PGBD2: variants seen among roughly 807,000 people sequenced by gnomAD.
PGBD2 encodes the protein piggyBac transposable element derived 2.
PGBD2 carries 6 observed loss-of-function variants against 8.1 expected under a neutral mutation model. The ratio of observed to expected loss-of-function variants is 0.74; its 90% CI spans 0.40 to 1.46. PGBD2 has a LOEUF of 1.46. Among genes scored for constraint, PGBD2 ranks in the 40% most tolerant of loss-of-function variants. The pLI is 0.02. For synonymous variants in PGBD2, 318 were observed against 272.2 expected (o/e 1.17, Z -1.66); for missense variants, 802 against 739.0 (o/e 1.09, Z -0.99).
intron 2 of PGBD2, among the ~76,000 whole-genome samples, chr1:248,916,307 G>A (rs1033211883): frequency 2.0e-5 from 3 of 152,080 alleles, no homozygotes; most frequent in Non-Finnish European, 2.9e-5. Flanking sequence ...CCAGGTACTC[G>A]GGAGGCTGAG....
the PGBD2 span, among the ~76,000 whole-genome samples, chr1:248,900,988 G>T: frequency 9.2e-5 from 14 of 151,940 alleles, no homozygotes; most frequent in African/African-American, 3.4e-4. Context: ...ACTCCCATTC[G>T]CAATGCCCAC....
the PGBD2 span, among the ~76,000 whole-genome samples, chr1:248,874,927 T>TAGATAGATAGATAGACAGAC: frequency 6.7e-6 from 1 of 149,290 alleles, no homozygotes; most frequent in African/African-American, 2.6e-5. Flanking sequence ...GATAGATAGA[T>TAGATAGATAGATAGACAGAC]AGATAGATAG....
At chr1:248,882,175 C>T in the PGBD2 span, among the ~76,000 whole-genome samples, 36 of 152,212 alleles carry the variant, frequency 2.4e-4, no homozygotes, top group East Asian at 3.9e-3. Flanking sequence ...GGGGGGTCAC[C>T]GCCTTCTGGT....
intron 1 of PGBD2, among the ~76,000 whole-genome samples, chr1:248,907,568 C>A (rs577654693): frequency 1.3e-5 from 2 of 152,192 alleles, no homozygotes; most frequent in African/African-American, 2.4e-5. Flanking sequence ...GGACAATACC[C>A]GGCTTTCCAG....
At position 248,916,897 on chromosome 1, in the gene PGBD2, G is replaced by C; in HGVS notation, c.313G>C (p.Val105Leu). 2 of 1,614,062 alleles carry C rather than the reference G, an allele frequency of 1.2e-6. No homozygotes were observed. Among genetic ancestry groups the C allele is most frequent in the Non-Finnish European group, 1.7e-6 (2 of 1,180,026 alleles). Residue 105 changes from valine (V) to leucine (L), a missense_variant, in exon 3 of 3, where the codon GTT (valine) becomes CTT (leucine). By Grantham distance (32) the Val-to-Leu change is conservative (BLOSUM62 1). Coordinates refer to ENST00000329291, the MANE Select transcript of PGBD2 (RefSeq NM_170725.3). ...GCCAGCCAAGAAGAGGCAGAAAGCA[G>C]TTGTGAAACCTCAGCGCATTTGGAC... is the stretch of plus-strand genomic sequence containing the variant. ...LQPAKKRQKAVVKPQRIWTKR... is the reference protein window; with the variant it reads ...LQPAKKRQKALVKPQRIWTKR...
chr1:248,928,496 T>A, the PGBD2 span, among the ~76,000 whole-genome samples: 1 of 152,198 alleles, frequency 6.6e-6, no homozygotes, highest in Non-Finnish European at 1.5e-5. Context: ...AGCATGTATT[T>A]ATTTTGTAGC....
upstream of PGBD2, among the ~76,000 whole-genome samples, chr1:248,901,860 T>A (rs1661539632): frequency 6.6e-6 from 1 of 152,134 alleles, no homozygotes; most frequent in Non-Finnish European, 1.5e-5. Flanking sequence ...TGCAATCTAT[T>A]CATTTGACAA....
intron 1 of PGBD2, among the ~76,000 whole-genome samples, chr1:248,913,494 G>A (rs1661983690): frequency 6.6e-6 from 1 of 152,086 alleles, no homozygotes; most frequent in South Asian, 2.1e-4. Context: ...ATTATGGATC[G>A]TGCAGCGGGA....
At chr1:248,929,052 A>AT in the PGBD2 span, among the ~76,000 whole-genome samples, 1 of 152,196 alleles carries the variant, frequency 6.6e-6, no homozygotes, top group Non-Finnish European at 1.5e-5. Flanking sequence ...TATTCATTAA[A>AT]TTTTTTAAGT....
At chr1:248,886,051 G>A in the PGBD2 span, among the ~76,000 whole-genome samples, 3 of 152,118 alleles carry the variant, frequency 2.0e-5, no homozygotes, top group East Asian at 1.9e-4. Flanking sequence ...AATAAGAAAC[G>A]TGTCTTATGA....
the PGBD2 span, among the ~76,000 whole-genome samples, chr1:248,890,938 C>T: frequency 6.6e-6 from 1 of 151,554 alleles, no homozygotes; most frequent in Non-Finnish European, 1.5e-5. Flanking sequence ...CCTCCCCACC[C>T]CCGACACAGC....
the PGBD2 span, among the ~76,000 whole-genome samples, chr1:248,899,116 G>T: frequency 6.6e-6 from 1 of 152,272 alleles, no homozygotes; most frequent in African/African-American, 2.4e-5. Flanking sequence ...AGTTCTTAGA[G>T]AGTTACAGAG....
At chr1:248,924,367 C>A (rs975207402), downstream of PGBD2, among the ~76,000 whole-genome samples, 1 of 152,070 alleles carries the variant, frequency 6.6e-6, no homozygotes, top group African/African-American at 2.4e-5. Context: ...GGATAAAAGT[C>A]ATTTTTTAAT....
chr1:248,912,866 C>G (rs1198349551), intron 1 of PGBD2: 1 of 146,036 alleles, frequency 6.8e-6, no homozygotes. Context: ...TGTAATGGTG[C>G]GATCTCGGCT....
At chr1:248,896,613 T>C in the PGBD2 span, among the ~76,000 whole-genome samples, 7 of 152,118 alleles carry the variant, frequency 4.6e-5, no homozygotes, top group Non-Finnish European at 2.9e-5. Flanking sequence ...TAATTGGCCA[T>C]CTTGGCCCCT....
In PGBD2 at chr1:248,906,775, GGTC is replaced by G. The variant is rs575345844; in HGVS notation, c.-48+436_-48+438del. Among the ~76,000 whole-genome samples, 274 of 152,190 alleles carry G rather than the reference GGTC, an allele frequency of 1.8e-3. 1 individual carries two copies. Among genetic ancestry groups the G allele is most frequent in the African/African-American group, 5.9e-3 (243 of 41,524 alleles). On this transcript the variant is annotated intron_variant, in intron 1 of 2. Transcript: ENST00000329291. Reference sequence around the variant, plus strand: ...TCTGTGCCGGGGCGCGCTGGGGGCGGGTCGTTTTTAACTGCGTCTGCCTGGGAA... The same window carrying G: ...TCTGTGCCGGGGCGCGCTGGGGGCGGGTTTTTAACTGCGTCTGCCTGGGAA...
intron 1 of PGBD2, among the ~76,000 whole-genome samples, chr1:248,911,815 C>T (rs982741956): frequency 1.3e-5 from 2 of 151,694 alleles, no homozygotes; most frequent in African/African-American, 2.4e-5. Context: ...TTTTAAAGCA[C>T]CCTCTGGGTG....
the PGBD2 span, among the ~76,000 whole-genome samples, chr1:248,875,638 A>G: frequency 6.6e-6 from 1 of 152,188 alleles, no homozygotes; most frequent in African/African-American, 2.4e-5. Flanking sequence ...TTATGAGCCT[A>G]TGCACCTAAT....
At chr1:248,874,556 G>C in the PGBD2 span, among the ~76,000 whole-genome samples, 1 of 152,152 alleles carries the variant, frequency 6.6e-6, no homozygotes, top group Non-Finnish European at 1.5e-5. Context: ...GATCCAAAAA[G>C]ATAGCTCTGG....
Sources: allele counts gnomAD v4.1 joint callset (sites outside exome capture counted in the v4.1 genomes callset), GRCh38; gene constraint gnomAD v4.1.1; transcripts MANE v1.5; gene names NCBI Gene and HGNC (gene_info 2026-07-23, HGNC 2026-07-21).